DACH2: variants seen among roughly 807,000 people sequenced by gnomAD.
The protein encoded by DACH2 is dachshund homolog 2.
Under a neutral mutation model 35.8 loss-of-function variants are expected in DACH2, and 17 were observed. That is an observed-to-expected ratio of 0.48 (90% CI 0.33 to 0.71). DACH2 has a LOEUF of 0.71. DACH2 is among the 30% of genes least tolerant of loss of function. The probability of loss-of-function intolerance (pLI) is 0.02; values close to 1 mark genes in which losing one functional copy is unlikely to be tolerated. For synonymous variants in DACH2, 195 were observed against 177.3 expected, an observed-to-expected ratio of 1.10 and a Z score of -0.79; for missense variants, 469 against 472.7, an observed-to-expected ratio of 0.99 and a Z score of 0.07.
intron 3 of DACH2, among the ~76,000 whole-genome samples, chrX:86,634,415 C>A (rs6418346): frequency 0.36 from 40,166 of 110,098 alleles, 6,099 homozygotes; most frequent in East Asian, 0.82. Context: ...CACTTTCACC[C>A]CTTCTACTCA....
At chrX:86,622,204 A>G (rs182522765) in intron 3 of DACH2, among the ~76,000 whole-genome samples, 87 of 112,188 alleles carry the variant, frequency 7.8e-4, no homozygotes, top group African/African-American at 2.7e-3. Flanking sequence ...CTAAAACTAA[A>G]GTATTATAAA....
chrX:86,749,699 C>A (rs1164713242), intron 7 of DACH2, among the ~76,000 whole-genome samples: 1 of 111,125 alleles, frequency 9.0e-6, no homozygotes, highest in Non-Finnish European at 1.9e-5. Context: ...AAAATGTGAA[C>A]AAGTGCTATT....
chrX:86,395,615 C>T (rs2036273441), intron 2 of DACH2, among the ~76,000 whole-genome samples: 1 of 110,677 alleles, frequency 9.0e-6, no homozygotes, highest in African/African-American at 3.3e-5. Flanking sequence ...TCAATTCCCA[C>T]CTATGAGTGA....
intron 1 of DACH2, among the ~76,000 whole-genome samples, chrX:86,315,299 C>T (rs955760250): frequency 8.9e-6 from 1 of 112,083 alleles, no homozygotes; most frequent in Admixed American, 9.5e-5. Flanking sequence ...GCTATTGAAA[C>T]CTACTGTTCA....
rs776943156 is a variant in DACH2, at chrX:86,306,491, A to G, written c.489-70333A>G. On this transcript the variant is annotated intron_variant, in intron 1 of 11. Coordinates refer to ENST00000373125, the MANE Select transcript of DACH2 (RefSeq NM_053281.3). ...TGTGTCTGTGTAGGTGTTGCCCAAAAGAGATTAACATTTGAGTCAGTGGGC... is the reference window on the plus strand; with the variant it reads ...TGTGTCTGTGTAGGTGTTGCCCAAAGGAGATTAACATTTGAGTCAGTGGGC... Among the ~76,000 whole-genome samples the G allele has an allele frequency of 1.2e-4, 14 of 112,058 alleles. No individual in the cohort carries two copies. The South Asian group carries it at 2.6e-3, about 21-fold the overall frequency.
intron 3 of DACH2, among the ~76,000 whole-genome samples, chrX:86,591,875 T>C (rs1382822737): frequency 9.0e-6 from 1 of 111,427 alleles, no homozygotes; most frequent in Non-Finnish European, 1.9e-5. Context: ...TATTTTCTTA[T>C]TGTTGAGAGT....
At chrX:86,375,675 A>G (rs961466625) in intron 1 of DACH2, among the ~76,000 whole-genome samples, 2 of 107,937 alleles carry the variant, frequency 1.9e-5, no homozygotes, top group African/African-American at 6.7e-5. Context: ...ACAGAACGTA[A>G]GAGTAGGTGA....
At chrX:86,712,041 T>C in intron 5 of DACH2, among the ~76,000 whole-genome samples, 1 of 111,633 alleles carries the variant, frequency 9.0e-6, no homozygotes, top group East Asian at 2.8e-4. Context: ...ATTTGAATAG[T>C]AAATAGGAGC....
chrX:86,240,941 C>T (rs2033154519), intron 1 of DACH2, among the ~76,000 whole-genome samples: 1 of 111,548 alleles, frequency 9.0e-6, no homozygotes, highest in Non-Finnish European at 1.9e-5. Context: ...CCTGAGGCCT[C>T]CTAGCCATGC....
At chrX:86,673,814 G>A (rs1489647430) in intron 4 of DACH2, among the ~76,000 whole-genome samples, 2 of 111,241 alleles carry the variant, frequency 1.8e-5, no homozygotes, top group Non-Finnish European at 3.8e-5. Flanking sequence ...ATGATAGGGA[G>A]TGAGTTATCA....
chrX:86,756,990 A>AT (rs1199222177), intron 7 of DACH2, among the ~76,000 whole-genome samples: 2 of 110,958 alleles, frequency 1.8e-5, no homozygotes, highest in Admixed American at 1.9e-4. Flanking sequence ...AGATGATCAT[A>AT]TTTTTTATCC....
chrX:86,533,909 A>T (rs1182877064), intron 3 of DACH2, among the ~76,000 whole-genome samples: 2 of 111,498 alleles, frequency 1.8e-5, no homozygotes, highest in Non-Finnish European at 3.8e-5. Flanking sequence ...TGTATGCAAA[A>T]ACAAGAATTT....
At chrX:86,540,850 A>C (rs910092554) in intron 3 of DACH2, among the ~76,000 whole-genome samples, 1 of 111,980 alleles carries the variant, frequency 8.9e-6, no homozygotes, top group African/African-American at 3.2e-5. Context: ...ATAAACTACC[A>C]TGTTAGAGAA....
intron 1 of DACH2, among the ~76,000 whole-genome samples, chrX:86,279,942 AT>A (rs2033992191): frequency 9.1e-6 from 1 of 109,395 alleles, no homozygotes; most frequent in African/African-American, 3.3e-5. Flanking sequence ...AACTGGAAAT[AT>A]GGAAGTATTT....
At chrX:86,254,988 C>G (rs1191128745) in intron 1 of DACH2, among the ~76,000 whole-genome samples, 2 of 107,751 alleles carry the variant, frequency 1.9e-5, no homozygotes, top group Non-Finnish European at 3.8e-5. Flanking sequence ...CAGATCAGTA[C>G]TGAAGTGGCA....
intron 3 of DACH2, among the ~76,000 whole-genome samples, chrX:86,620,148 G>A (rs1008589592): frequency 3.6e-5 from 4 of 111,932 alleles, no homozygotes; most frequent in Non-Finnish European, 7.5e-5. Flanking sequence ...TAGGCCTTAA[G>A]TTACTGAAAT....
At chrX:86,664,764 A>G (rs970385391) in intron 4 of DACH2, among the ~76,000 whole-genome samples, 6 of 112,230 alleles carry the variant, frequency 5.3e-5, no homozygotes, top group African/African-American at 1.9e-4. Context: ...GCTTGAGTTG[A>G]AAAGAAATGC....
At chrX:86,556,630 C>A (rs1212798510) in intron 3 of DACH2, among the ~76,000 whole-genome samples, 1 of 106,395 alleles carries the variant, frequency 9.4e-6, no homozygotes, top group Non-Finnish European at 1.9e-5. Context: ...AATCACTTAA[C>A]TTTATTGTTG....
chrX:86,445,086 T>G (rs2037237790), intron 2 of DACH2, among the ~76,000 whole-genome samples: 1 of 110,956 alleles, frequency 9.0e-6, no homozygotes, highest in African/African-American at 3.3e-5. Context: ...ATTCTTGTTT[T>G]TATAGTTTTC....
Sources: allele counts gnomAD v4.1 joint callset (sites outside exome capture counted in the v4.1 genomes callset), GRCh38; gene constraint gnomAD v4.1.1; transcripts MANE v1.5; gene names NCBI Gene and HGNC (gene_info 2026-07-23, HGNC 2026-07-21).